The following GRB10 variants were observed in gnomAD, a reference collection of about 807,000 sequenced individuals.
GRB10 encodes the protein growth factor receptor-bound protein 10.
A neutral mutation model predicts 80.9 loss-of-function variants in GRB10; 20 were observed. That is an observed-to-expected ratio of 0.25 (90% confidence interval 0.17 to 0.36). The LOEUF (loss-of-function observed/expected upper bound fraction) is 0.36. GRB10 is among the 10% of genes least tolerant of loss of function. The pLI is 1.00. For missense variants in GRB10, 548 were observed against 747.7 expected, an observed-to-expected ratio of 0.73 and a Z score of 3.12; for synonymous variants, 291 against 291.5, an observed-to-expected ratio of 1.00 and a Z score of 0.02.
chr7:50,645,484 A>G (rs906449297), intron 7 of GRB10: 3 of 449,054 alleles, frequency 6.7e-6, no homozygotes, highest in South Asian at 1.9e-4. Context: ...AAACACTGCC[A>G]TTTGGGCACT....
intron 5 of GRB10, among the ~76,000 whole-genome samples, chr7:50,683,032 C>G (rs1232487966): frequency 6.6e-6 from 1 of 152,222 alleles, no homozygotes; most frequent in Non-Finnish European, 1.5e-5. Flanking sequence ...CACCCTTGTT[C>G]ACAACAGCAC....
chr7:50,676,344 G>GGGGGGGGGGGGGC (rs1563400777), intron 5 of GRB10, among the ~76,000 whole-genome samples: 13 of 136,008 alleles, frequency 9.6e-5, no homozygotes, highest in East Asian at 2.1e-4. Context: ...CCGGGGGGGG[G>GGGGGGGGGGGGGC]GGGGGGTTGT....
intron 7 of GRB10, among the ~76,000 whole-genome samples, chr7:50,664,483 G>T (rs1011962538): frequency 6.6e-6 from 1 of 152,204 alleles, no homozygotes; most frequent in African/African-American, 2.4e-5. Flanking sequence ...TGGGGGCAGG[G>T]GGGACAGCTC....
At chr7:50,771,075 TG>T (rs1371782931) in intron 2 of GRB10, among the ~76,000 whole-genome samples, 1 of 152,266 alleles carries the variant, frequency 6.6e-6, no homozygotes, top group South Asian at 2.1e-4. Flanking sequence ...CCCCTAGACA[TG>T]GAACTGCTGC....
intron 8 of GRB10, among the ~76,000 whole-genome samples, chr7:50,621,149 A>G (rs2051647818): frequency 6.6e-6 from 1 of 152,244 alleles, no homozygotes; most frequent in African/African-American, 2.4e-5. Flanking sequence ...AAACCCACGC[A>G]GGCGCCCATC....
At chr7:50,723,959 G>C (rs2068171627) in intron 4 of GRB10, among the ~76,000 whole-genome samples, 1 of 152,222 alleles carries the variant, frequency 6.6e-6, no homozygotes, top group South Asian at 2.1e-4. Context: ...CAAGGAGCTG[G>C]TTAAGGACGG....
At chr7:50,719,444 T>C (rs1044097184) in intron 4 of GRB10, among the ~76,000 whole-genome samples, 3 of 151,782 alleles carry the variant, frequency 2.0e-5, no homozygotes, top group Middle Eastern at 3.4e-3. Context: ...AAACACTGCA[T>C]GTTCTCACTC....
chr7:50,664,478 G>A (rs1487614569), intron 7 of GRB10, among the ~76,000 whole-genome samples: 2 of 152,208 alleles, frequency 1.3e-5, no homozygotes, highest in African/African-American at 4.8e-5. Flanking sequence ...GTCTGTGGGG[G>A]CAGGGGGGAC....
chr7:50,626,322 A>G (rs1485460329), intron 8 of GRB10, among the ~76,000 whole-genome samples: 1 of 152,264 alleles, frequency 6.6e-6, no homozygotes, highest in African/African-American at 2.4e-5. Context: ...TCAAACTTAC[A>G]GCAAAGTGCT....
At chr7:50,600,799 C>T (rs1196110387) in intron 17 of GRB10, among the ~76,000 whole-genome samples, 1 of 152,208 alleles carries the variant, frequency 6.6e-6, no homozygotes, top group Non-Finnish European at 1.5e-5. Flanking sequence ...ATGCGGCTGA[C>T]AGCATGACTC....
chr7:50,613,340 C>A (rs752794834), intron 12 of GRB10, among the ~76,000 whole-genome samples: 1 of 152,018 alleles, frequency 6.6e-6, no homozygotes, highest in African/African-American at 2.4e-5. Flanking sequence ...GATGTCTGAG[C>A]AGCCCCAAGA....
intron 7 of GRB10, among the ~76,000 whole-genome samples, chr7:50,631,296 T>C (rs73113031): frequency 0.088 from 13,339 of 152,090 alleles, 890 homozygotes; most frequent in Non-Finnish European, 0.11. Context: ...GGCACTCTCT[T>C]TGTCCTCTTC....
intron 8 of GRB10, among the ~76,000 whole-genome samples, chr7:50,626,009 G>A (rs2052809317): frequency 6.6e-6 from 1 of 152,162 alleles, no homozygotes; most frequent in East Asian, 1.9e-4. Context: ...TCAAGACATG[G>A]AACAAATATA....
intron 13 of GRB10, 142 bp from the exon 14 acceptor site, chr7:50,606,556 G>A (rs954289566): frequency 1.5e-5 from 11 of 709,778 alleles, no homozygotes; most frequent in African/African-American, 3.5e-5. Flanking sequence ...CCTGAGTGCC[G>A]CTGACCCTGA....
chr7:50,789,181 A>G (rs578238682), intron 1 of GRB10, among the ~76,000 whole-genome samples: 1 of 152,360 alleles, frequency 6.6e-6, no homozygotes, highest in South Asian at 2.1e-4. Context: ...GATAAATTCA[A>G]ACAAGATTTT....
rs147506048 is a variant in GRB10 at position 50,733,940 on chromosome 7, A to G, written c.-46-1572T>C. Among the ~76,000 whole-genome samples, 718 of 152,328 alleles carry G rather than the reference A, an allele frequency of 4.7e-3. 11 individuals are homozygous for G. Among genetic ancestry groups the G allele is most frequent in the East Asian group, 0.04 (207 of 5,188 alleles). On this transcript the variant is annotated intron_variant, in intron 3 of 18. Coordinates refer to ENST00000401949, the MANE Select transcript of GRB10 (RefSeq NM_001350814.2). ...AGATTTCCTAGAGAAACAAGAATTTAGCTTAAGACTGTAGCAAACTCCTGC... is the reference window on the plus strand; with the variant it reads ...AGATTTCCTAGAGAAACAAGAATTTGGCTTAAGACTGTAGCAAACTCCTGC...
chr7:50,650,236 T>C (rs1452974256), intron 7 of GRB10, among the ~76,000 whole-genome samples: 1 of 152,222 alleles, frequency 6.6e-6, no homozygotes, highest in Non-Finnish European at 1.5e-5. Flanking sequence ...CACCCCCAAC[T>C]GGCCACTGAT....
chr7:50,606,637 A>T (rs1320340752), intron 13 of GRB10: 1 of 568,152 alleles, frequency 1.8e-6, no homozygotes, highest in African/African-American at 1.9e-5. Context: ...GACTCCCCCA[A>T]AACTTACCTA....
chr7:50,715,494 A>G (rs7794299), intron 4 of GRB10, among the ~76,000 whole-genome samples: 131,712 of 152,164 alleles, frequency 0.87, 57,227 homozygotes, highest in African/African-American at 0.94. Context: ...TGTGGGCCAT[A>G]AGAAACAGTT....
Sources: allele counts gnomAD v4.1 joint callset (sites outside exome capture counted in the v4.1 genomes callset), GRCh38; gene constraint gnomAD v4.1.1; transcripts MANE v1.5; gene names NCBI Gene and HGNC (gene_info 2026-07-23, HGNC 2026-07-21).